The following LNPEP variants were observed in gnomAD, a reference collection of about 807,000 sequenced individuals.
The protein encoded by LNPEP is leucyl and cystinyl aminopeptidase.
Under a neutral mutation model 120.6 loss-of-function variants are expected in LNPEP, and 64 were observed. That is an observed-to-expected ratio of 0.53 (90% CI 0.43 to 0.65). LNPEP has a LOEUF of 0.65. Ranked by LOEUF, LNPEP falls within the 30% of genes least tolerant of loss-of-function variation. The pLI, the probability that LNPEP is intolerant of heterozygous loss-of-function variation, is 0.00. For synonymous variants in LNPEP, 435 were observed against 425.4 expected (o/e 1.02, Z -0.28); for missense variants, 1,057 against 1,200.0 (o/e 0.88, Z 1.76).
chr5:97,002,900 G>A (rs1790688230), intron 8 of LNPEP, among the ~76,000 whole-genome samples: 1 of 152,112 alleles, frequency 6.6e-6, no homozygotes. Context: ...TGACTCTGCA[G>A]GAAGAAGAGA....
chr5:97,012,902 CT>C (rs1790974290), intron 11 of LNPEP, among the ~76,000 whole-genome samples: 1 of 152,050 alleles, frequency 6.6e-6, no homozygotes, highest in South Asian at 2.1e-4. Context: ...AATCTTAAGC[CT>C]TCCCTAATGT....
rs534403548 is a variant in LNPEP, at chr5:97,029,294, A to G, written c.*761A>G. On this transcript the variant is annotated 3_prime_UTR_variant, in exon 18 of 18. Coordinates refer to ENST00000231368, the MANE Select transcript of LNPEP (RefSeq NM_005575.3). Reference sequence around the variant, plus strand: ...GTTCCAAACTGAGTTAGCTTTAATTATAATTATTTTATTCATAAATGGTGA... The same window carrying G: ...GTTCCAAACTGAGTTAGCTTTAATTGTAATTATTTTATTCATAAATGGTGA... The G allele has an allele frequency of 1.3e-5, 2 of 152,444 alleles. No individual in the cohort carries two copies. The highest frequency in any genetic ancestry group is 1.3e-4 in the Admixed American group (2 of 15,290). 9.4% of individuals were successfully genotyped at this position (152,444 alleles called of 1,614,324 possible). A position where few individuals can be genotyped will look rare whatever the true frequency, so the allele number is the denominator to read the frequency against.
intron 11 of LNPEP, among the ~76,000 whole-genome samples, chr5:97,008,291 A>G (rs951313691): frequency 8.0e-6 from 1 of 124,706 alleles, no homozygotes; most frequent in Admixed American, 7.5e-5. Context: ...TGCTTTTATT[A>G]TCTGTTTTTT....
chr5:96,973,491 A>G (rs942768372), intron 1 of LNPEP, among the ~76,000 whole-genome samples: 1 of 152,144 alleles, frequency 6.6e-6, no homozygotes, highest in African/African-American at 2.4e-5. Flanking sequence ...AATATGTCAT[A>G]GGGGACTCAG....
chr5:96,980,375 C>CAGAA (rs1395986879), intron 2 of LNPEP, among the ~76,000 whole-genome samples: 1 of 152,238 alleles, frequency 6.6e-6, no homozygotes, highest in East Asian at 1.9e-4. Context: ...TAGTGAAATA[C>CAGAA]AGAAAGAGGG....
At chr5:97,003,582 T>A in intron 9 of LNPEP, 36 bp downstream of exon 9, 1 of 1,453,180 alleles carries the variant, frequency 6.9e-7, no homozygotes, top group Non-Finnish European at 9.4e-7. Flanking sequence ...GCTCTTACTG[T>A]AAAAAGAGAG....
Position 97,011,040 on chromosome 5 carries a change from C to T in LNPEP, c.2036-2608C>T, listed in dbSNP as rs1037168601. 3.0e-5 allele frequency: 30 copies of T among 985,214 alleles called. No homozygotes were observed. The African/African-American group carries it at 4.9e-4, about 16-fold the overall frequency. 61.0% of individuals were successfully genotyped at this position (985,214 alleles called of 1,614,324 possible). A position where few individuals can be genotyped will look rare whatever the true frequency, so the allele number is the denominator to read the frequency against. ...TCCCAGCTGTGTCCCTCCTCTTTAC[C>T]ATCTGGACTTGGCTAGGTTTACAAC... On this transcript the variant is annotated intron_variant, in intron 11 of 17. Transcript: ENST00000231368.
chr5:96,972,120 G>T (rs1789880572), intron 1 of LNPEP, among the ~76,000 whole-genome samples: 1 of 152,020 alleles, frequency 6.6e-6, no homozygotes, highest in Admixed American at 6.6e-5. Context: ...CTCTGTCTCT[G>T]TAGACAGCTT....
At chr5:97,022,788 T>A (rs1165603529) in intron 14 of LNPEP, among the ~76,000 whole-genome samples, 1 of 59,728 alleles carries the variant, frequency 1.7e-5, no homozygotes, top group African/African-American at 7.1e-5. Flanking sequence ...CCCTCCCCCC[T>A]CCCCCCACCC....
chr5:96,950,272 G>A (rs1789291691), intron 1 of LNPEP, among the ~76,000 whole-genome samples: 1 of 152,180 alleles, frequency 6.6e-6, no homozygotes, highest in Non-Finnish European at 1.5e-5. Context: ...CATAGCTAGA[G>A]AGCTGCTGTG....
intron 8 of LNPEP, 65 bp from the exon 9 acceptor site, chr5:97,003,350 C>A: frequency 1.0e-6 from 1 of 952,512 alleles, no homozygotes; most frequent in Non-Finnish European, 1.5e-6. Flanking sequence ...ATTTTAGATT[C>A]CCAATTCGAT....
chr5:96,993,224 T>C, intron 5 of LNPEP, 89 bp downstream of exon 5: 1 of 991,670 alleles, frequency 1.0e-6, no homozygotes, highest in Non-Finnish European at 1.5e-6. Flanking sequence ...TCTGCCCAAG[T>C]TGTTTGCAGA....
intron 8 of LNPEP, among the ~76,000 whole-genome samples, chr5:96,999,950 G>A (rs1421403016): frequency 1.3e-5 from 2 of 151,916 alleles, no homozygotes; most frequent in Non-Finnish European, 2.9e-5. Flanking sequence ...TCTGATGCAG[G>A]TTGCCTTGCA....
intron 11 of LNPEP, chr5:97,010,239 A>G: frequency 1.1e-6 from 1 of 949,586 alleles, no homozygotes; most frequent in Non-Finnish European, 1.3e-6. Flanking sequence ...CAGACCTAAG[A>G]TCTTTAACTA....
intron 1 of LNPEP, among the ~76,000 whole-genome samples, chr5:96,977,983 C>T (rs559169822): frequency 9.2e-5 from 14 of 151,920 alleles, no homozygotes; most frequent in African/African-American, 2.4e-4. Context: ...TTTATGAAGA[C>T]GAATTAATCT....
At chr5:96,993,766 A>C (rs762279068) in intron 5 of LNPEP, 51 bp from the exon 6 acceptor site, 2 of 1,547,778 alleles carry the variant, frequency 1.3e-6, no homozygotes, top group Non-Finnish European at 1.8e-6. Context: ...CTTTGAGTAG[A>C]AAATGCCTAA....
chr5:97,034,099 TCTC>T lies in LNPEP; in HGVS notation c.*5570_*5572del, dbSNP rs2112684628. On this transcript the variant is annotated 3_prime_UTR_variant, in exon 18 of 18. Coordinates refer to ENST00000231368, the MANE Select transcript of LNPEP (RefSeq NM_005575.3). ...ACGTGGAGGTCCGGATGTATGAAAA[TCTC>T]CTCTTTTCCCCTTTCCTTATTGCCT... 2 of 152,244 alleles carry T rather than the reference TCTC, an allele frequency of 1.3e-5. No homozygotes were observed. Among genetic ancestry groups the T allele is most frequent in the South Asian group, 4.1e-4 (2 of 4,828 alleles). The allele number at this position is 152,244 out of a possible 1,614,324, so 9.4% of individuals were successfully genotyped here.
At chr5:97,028,328 A>T (rs748697306) in intron 17 of LNPEP, 74 bp from the exon 18 acceptor site, 2 of 1,396,386 alleles carry the variant, frequency 1.4e-6, no homozygotes, top group African/African-American at 1.4e-5. Context: ...GTTAAAGCTT[A>T]TTTTAAAAGC....
rs1431209178 is a variant in LNPEP at position 97,036,384 on chromosome 5, T to C, written c.*7851T>C. On this transcript the variant is annotated 3_prime_UTR_variant, in exon 18 of 18. Transcript: ENST00000231368. ...ATTTTGTCTTTAGTGCCTATACTGT[T>C]AGGTGTTTTCTTCACTGGCATTCAC... 3 of 152,200 alleles carry C rather than the reference T, an allele frequency of 2.0e-5. No homozygotes were observed. Among genetic ancestry groups the C allele is most frequent in the Non-Finnish European group, 4.4e-5 (3 of 68,042 alleles). 9.4% of individuals were successfully genotyped at this position (152,200 alleles called of 1,614,324 possible). A position where few individuals can be genotyped will look rare whatever the true frequency, so the allele number is the denominator to read the frequency against.
Sources: gnomAD v4.1 joint callset for allele counts (sites outside exome capture counted in the v4.1 genomes callset) on GRCh38, gnomAD v4.1.1 for gene constraint, MANE v1.5 for transcripts, NCBI Gene and HGNC (gene_info 2026-07-23, HGNC 2026-07-21) for gene names.